NLGN1: variants seen among roughly 807,000 people sequenced by gnomAD.
The protein encoded by NLGN1 is neuroligin-1.
A neutral mutation model predicts 65.5 loss-of-function variants in NLGN1; 12 were observed. The observed-to-expected ratio is 0.18, with a 90% confidence interval of 0.12 to 0.30. The LOEUF is 0.30. Among genes scored for constraint, NLGN1 ranks in the 10% least tolerant of loss-of-function variants. NLGN1 has a pLI of 1.00. For missense variants in NLGN1, 750 were observed against 1,007.1 expected, an observed-to-expected ratio of 0.74 and a Z score of 3.46; for synonymous variants, 350 against 359.5, an observed-to-expected ratio of 0.97 and a Z score of 0.30.
chr3:174,104,947 G>GACTTGATATGAGTTTTC (rs1460318447), intron 4 of NLGN1, among the ~76,000 whole-genome samples: 8 of 152,202 alleles, frequency 5.3e-5, no homozygotes, highest in African/African-American at 1.9e-4. Flanking sequence ...GAAATTACAT[G>GACTTGATATGAGTTTTC]ACTTGATATG....
At chr3:174,097,517 C>A (rs1399199252) in intron 4 of NLGN1, among the ~76,000 whole-genome samples, 1 of 152,138 alleles carries the variant, frequency 6.6e-6, no homozygotes, top group African/African-American at 2.4e-5. Flanking sequence ...GTACATGAGT[C>A]ATTTCTATCC....
At chr3:174,187,018 T>C (rs1037296534) in intron 4 of NLGN1, among the ~76,000 whole-genome samples, 9 of 152,080 alleles carry the variant, frequency 5.9e-5, no homozygotes, top group African/African-American at 2.2e-4. Context: ...ACACATCCTG[T>C]ATACTTTATA....
chr3:174,058,793 C>T (rs77685292), intron 4 of NLGN1, among the ~76,000 whole-genome samples: 1 of 151,890 alleles, frequency 6.6e-6, no homozygotes, highest in East Asian at 1.9e-4. Context: ...TGTCATTTAT[C>T]TGAGATTTTT....
intron 4 of NLGN1, among the ~76,000 whole-genome samples, chr3:174,167,377 G>A (rs930421030): frequency 2.0e-5 from 3 of 151,966 alleles, no homozygotes; most frequent in Non-Finnish European, 4.4e-5. Context: ...TCTCTTGTAA[G>A]GCTGTTCTAG....
At chr3:173,418,775 C>G (rs1714322775) in intron 1 of NLGN1, among the ~76,000 whole-genome samples, 1 of 151,970 alleles carries the variant, frequency 6.6e-6, no homozygotes, top group South Asian at 2.1e-4. Flanking sequence ...CATATTAACC[C>G]ATATGTTCTT....
chr3:173,756,766 T>TAA (rs10714578), intron 3 of NLGN1, among the ~76,000 whole-genome samples: 6 of 139,998 alleles, frequency 4.3e-5, no homozygotes, highest in African/African-American at 1.1e-4. Context: ...TGGATAAATG[T>TAA]AAAAAAAAAA....
chr3:174,026,765 G>C (rs1728914844), intron 4 of NLGN1, among the ~76,000 whole-genome samples: 1 of 152,090 alleles, frequency 6.6e-6, no homozygotes. Context: ...TGCACTTGAG[G>C]TCCAACAAGC....
chr3:174,081,176 G>T (rs1451518361), intron 4 of NLGN1, among the ~76,000 whole-genome samples: 1 of 152,086 alleles, frequency 6.6e-6, no homozygotes, highest in African/African-American at 2.4e-5. Context: ...GAAAAAGTCT[G>T]AATTGCTCCA....
intron 2 of NLGN1, chr3:173,584,681 A>T (rs763051828): frequency 6.6e-6 from 1 of 150,642 alleles, no homozygotes; most frequent in African/African-American, 2.4e-5. Flanking sequence ...TCGGATTTAC[A>T]TGGAGGTGGC....
chr3:173,402,638 C>T (rs1026592027), intron 1 of NLGN1, among the ~76,000 whole-genome samples: 1 of 152,056 alleles, frequency 6.6e-6, no homozygotes, highest in African/African-American at 2.4e-5. Context: ...ACAAGATAAA[C>T]AATATGATTA....
intron 3 of NLGN1, among the ~76,000 whole-genome samples, chr3:173,774,644 T>A (rs1426954145): frequency 2.6e-5 from 4 of 152,196 alleles, no homozygotes; most frequent in Non-Finnish European, 5.9e-5. Flanking sequence ...CCTTTTGTGT[T>A]AATTTTCTGT....
rs183725284 is a variant in NLGN1 at position 173,803,758 on chromosome 3, G to A, written c.494-3922G>A. ...CAGCCAACACTTCTATGTTCATTCA[G>A]TGGTTCTGAATGATAACTTGAGGTT... On this transcript the variant is annotated intron_variant, in intron 3 of 6. Coordinates refer to ENST00000457714, the Ensembl canonical transcript of NLGN1. Among the ~76,000 whole-genome samples the A allele has an allele frequency of 2.9e-3, 439 of 152,192 alleles. 6 individuals are homozygous for A. Among genetic ancestry groups the A allele is most frequent in the African/African-American group, 9.8e-3 (406 of 41,518 alleles).
intron 3 of NLGN1, among the ~76,000 whole-genome samples, chr3:173,626,765 C>T (rs1754883871): frequency 6.6e-6 from 1 of 151,952 alleles, no homozygotes; most frequent in Non-Finnish European, 1.5e-5. Flanking sequence ...GTTTTTATGA[C>T]TCTTGGTTTA....
intron 4 of NLGN1, among the ~76,000 whole-genome samples, chr3:173,856,151 G>C (rs941689686): frequency 6.6e-6 from 1 of 152,076 alleles, no homozygotes; most frequent in African/African-American, 2.4e-5. Flanking sequence ...TCTTCTTTAA[G>C]CATGGATAAA....
chr3:173,756,486 G>T (rs1433233219), intron 3 of NLGN1, among the ~76,000 whole-genome samples: 1 of 151,670 alleles, frequency 6.6e-6, no homozygotes, highest in Non-Finnish European at 1.5e-5. Context: ...ATATAATCAT[G>T]AATTCTTCAG....
intron 3 of NLGN1, among the ~76,000 whole-genome samples, chr3:173,768,865 A>G (rs947320012): frequency 2.0e-5 from 3 of 152,052 alleles, no homozygotes; most frequent in Non-Finnish European, 4.4e-5. Context: ...TCTGCCTCCC[A>G]GGCTCAAGTC....
intron 4 of NLGN1, among the ~76,000 whole-genome samples, chr3:173,895,871 A>G (rs1560580660): frequency 6.6e-6 from 1 of 151,840 alleles, no homozygotes; most frequent in South Asian, 2.1e-4. Flanking sequence ...TTGTATTTTT[A>G]GTAGAGATGG....
chr3:174,204,155 T>C (rs746472783), intron 4 of NLGN1, among the ~76,000 whole-genome samples: 1 of 152,190 alleles, frequency 6.6e-6, no homozygotes, highest in Non-Finnish European at 1.5e-5. Context: ...TTTGGAGCAG[T>C]AGGGCTTTTT....
chr3:174,266,018 A>G (rs1054052284), intron 4 of NLGN1, among the ~76,000 whole-genome samples: 2 of 140,556 alleles, frequency 1.4e-5, no homozygotes, highest in Non-Finnish European at 3.1e-5. Context: ...CAGTGCATAT[A>G]TATGTGTGTG....
Sources: gnomAD v4.1 joint callset for allele counts (sites outside exome capture counted in the v4.1 genomes callset) on GRCh38, gnomAD v4.1.1 for gene constraint, MANE v1.5 for transcripts, NCBI Gene and HGNC (gene_info 2026-07-23, HGNC 2026-07-21) for gene names.